Variants in TMEM132D observed in about 807,000 individuals in gnomAD.
The protein encoded by TMEM132D is transmembrane protein 132D.
In TMEM132D, 21 loss-of-function variants were observed where a neutral mutation model predicts 62.3. The ratio of observed to expected loss-of-function variants is 0.34; its 90% confidence interval spans 0.24 to 0.49. The LOEUF (loss-of-function observed/expected upper bound fraction) is 0.49, where lower values mean the gene tolerates loss of function less well. Ranked by LOEUF, TMEM132D falls within the 20% of genes least tolerant of loss-of-function variation. The pLI is 0.99. For missense variants in TMEM132D, 1,346 were observed against 1,402.8 expected, an observed-to-expected ratio of 0.96 and a Z score of 0.65; for synonymous variants, 621 against 575.6, an observed-to-expected ratio of 1.08 and a Z score of -1.13.
intron 2 of TMEM132D, among the ~76,000 whole-genome samples, chr12:129,554,580 A>T (rs1593064081): frequency 6.6e-6 from 1 of 152,126 alleles, no homozygotes; most frequent in African/African-American, 2.4e-5. Flanking sequence ...TTCTTTAGAC[A>T]ACCCTCTCTT....
At position 129,489,143 on chromosome 12, in the gene TMEM132D, C is replaced by T. The variant is rs148747872; in HGVS notation, c.1115+41916G>A. ...AATTTCTCTCATTCTTAACATTCTCCGAAAATTAAAATTATGTTGAAGGAT... is the reference window on the plus strand; with the variant it reads ...AATTTCTCTCATTCTTAACATTCTCTGAAAATTAAAATTATGTTGAAGGAT... On this transcript the variant is annotated intron_variant, in intron 3 of 8. Coordinates refer to ENST00000422113, the MANE Select transcript of TMEM132D (RefSeq NM_133448.3). Among the ~76,000 whole-genome samples, 444 of 152,284 alleles carry T rather than the reference C, an allele frequency of 2.9e-3. 1 individual carries two copies. Among genetic ancestry groups the T allele is most frequent in the African/African-American group, 0.01 (422 of 41,562 alleles).
At position 129,676,456 on chromosome 12, in the gene TMEM132D, G is replaced by T. The variant is rs77155785; in HGVS notation, c.968+23354C>A. Among the ~76,000 whole-genome samples the T allele has an allele frequency of 7.4e-3, 1,133 of 152,294 alleles. 60 individuals carry two copies. In the East Asian group the frequency reaches 0.11, roughly 15 times the overall value. On this transcript the variant is annotated intron_variant, in intron 2 of 8. Coordinates refer to ENST00000422113, the MANE Select transcript of TMEM132D (RefSeq NM_133448.3). ...ACTGGGTAGTTTATAAAGACGATAG[G>T]TTTATTTGGCTCACGGTTCTGCAGG... is the stretch of plus-strand genomic sequence containing the variant.
chr12:129,239,120 C>G (rs886248113), intron 4 of TMEM132D, among the ~76,000 whole-genome samples: 1 of 150,038 alleles, frequency 6.7e-6, no homozygotes, highest in Admixed American at 6.7e-5. Flanking sequence ...CTTGTTATTA[C>G]CCATTTGCAC....
chr12:129,356,595 G>A (rs907295656), intron 3 of TMEM132D, among the ~76,000 whole-genome samples: 4 of 150,958 alleles, frequency 2.6e-5, no homozygotes, highest in African/African-American at 4.9e-5. Flanking sequence ...AGGCGGGAGG[G>A]CTGCTTGACC....
At chr12:129,146,341 C>A (rs549439019) in intron 5 of TMEM132D, among the ~76,000 whole-genome samples, 1 of 152,150 alleles carries the variant, frequency 6.6e-6, no homozygotes, top group Non-Finnish European at 1.5e-5. Flanking sequence ...AGCCTTTCTG[C>A]AATTTTCCTG....
At chr12:129,404,460 G>T (rs1470649646) in intron 3 of TMEM132D, among the ~76,000 whole-genome samples, 3 of 152,208 alleles carry the variant, frequency 2.0e-5, no homozygotes, top group African/African-American at 4.8e-5. Context: ...GCCTCCCAAA[G>T]TGCTGGGATT....
At chr12:129,565,752 G>A (rs1406232205) in intron 2 of TMEM132D, among the ~76,000 whole-genome samples, 1 of 152,188 alleles carries the variant, frequency 6.6e-6, no homozygotes, top group Non-Finnish European at 1.5e-5. Context: ...TTCTTGGAGA[G>A]GAATCTTATT....
intron 3 of TMEM132D, among the ~76,000 whole-genome samples, chr12:129,343,192 A>G (rs1869555170): frequency 6.6e-6 from 1 of 152,232 alleles, no homozygotes; most frequent in African/African-American, 2.4e-5. Context: ...TCCAACAATG[A>G]TAGACTGGAT....
intron 5 of TMEM132D, among the ~76,000 whole-genome samples, chr12:129,152,389 T>C (rs1307801192): frequency 2.6e-5 from 4 of 152,150 alleles, no homozygotes; most frequent in Non-Finnish European, 5.9e-5. Flanking sequence ...TTGTAATCAG[T>C]GTCAGGGGAG....
intron 2 of TMEM132D, among the ~76,000 whole-genome samples, chr12:129,653,910 G>C (rs1879996929): frequency 6.6e-6 from 1 of 152,196 alleles, no homozygotes; most frequent in East Asian, 1.9e-4. Flanking sequence ...TTCTTTTTCT[G>C]TCCCAGAATC....
intron 3 of TMEM132D, among the ~76,000 whole-genome samples, chr12:129,393,255 G>A (rs1871337737): frequency 6.6e-6 from 1 of 152,222 alleles, no homozygotes; most frequent in African/African-American, 2.4e-5. Context: ...TGCTTGTGAA[G>A]GTTTGCAATA....
intron 2 of TMEM132D, among the ~76,000 whole-genome samples, chr12:129,650,078 G>A (rs945151041): frequency 6.6e-6 from 1 of 152,082 alleles, no homozygotes; most frequent in African/African-American, 2.4e-5. Flanking sequence ...ACACCTCTCT[G>A]CCCGCTCTAA....
chr12:129,779,192 G>GC lies in TMEM132D; in HGVS notation c.80-78495dup, dbSNP rs1324875974. 6.6e-6 allele frequency among the ~76,000 whole-genome samples: 1 copy of GC among 152,206 alleles called. No individual in the cohort carries two copies. The highest frequency in any genetic ancestry group is 1.5e-5 in the Non-Finnish European group (1 of 68,040). The stretch of plus-strand genomic sequence containing the variant: ...GCCTTAGGAAGGATCCATCTGGAAA[G>GC]CCCCATTTGATGCTTTAACATGCAG... On this transcript the variant is annotated intron_variant, in intron 1 of 8. Transcript: ENST00000422113. This position sits in a 1 kb window ranked among gnomAD's most constrained non-coding sequence, Gnocchi z 4.1.
rs577659673 is a variant in TMEM132D, at chr12:129,576,915, G to A, written c.969-45710C>T. On this transcript the variant is annotated intron_variant, in intron 2 of 8. Coordinates refer to ENST00000422113, the MANE Select transcript of TMEM132D (RefSeq NM_133448.3). ...TTTGCAGTATTTATCGATACTGTAC[G>A]TTTGTGTCGTTTGTTTACAAGATGA... Among the ~76,000 whole-genome samples the A allele has an allele frequency of 1.5e-4, 23 of 152,004 alleles. No individual in the cohort carries two copies. The South Asian group carries it at 3.7e-3, about 25-fold the overall frequency.
At position 129,854,876 on chromosome 12, in the gene TMEM132D, A is replaced by T. The variant is rs373849626; in HGVS notation, c.79+48385T>A. ...CCCTCCCTCCTGACTGTGCTGCCTT[A>T]CTGAAACAGCCTCGGTCTACCAGAT... is the stretch of plus-strand genomic sequence containing the variant. On this transcript the variant is annotated intron_variant, in intron 1 of 8. Coordinates refer to ENST00000422113, the MANE Select transcript of TMEM132D (RefSeq NM_133448.3). 1.1e-4 allele frequency: 16 copies of T among 152,376 alleles called. No homozygotes were observed. The East Asian group carries it at 1.7e-3, about 17-fold the overall frequency. 9.4% of individuals were successfully genotyped at this position (152,376 alleles called of 1,614,324 possible).
At chr12:129,438,939 T>C (rs144422454) in intron 3 of TMEM132D, among the ~76,000 whole-genome samples, 25 of 152,206 alleles carry the variant, frequency 1.6e-4, no homozygotes, top group African/African-American at 5.1e-4. Context: ...TGGAATCTGC[T>C]TTGAAGGTTT....
chr12:129,531,933 G>T (rs1020702662), intron 2 of TMEM132D, among the ~76,000 whole-genome samples: 1 of 152,152 alleles, frequency 6.6e-6, no homozygotes, highest in Non-Finnish European at 1.5e-5. Context: ...GTGTGCCCCT[G>T]TAGTCCTAGC....
At chr12:129,250,900 A>G (rs1325962441) in intron 4 of TMEM132D, among the ~76,000 whole-genome samples, 1 of 152,216 alleles carries the variant, frequency 6.6e-6, no homozygotes, top group East Asian at 1.9e-4. Flanking sequence ...TGTTTTAAAT[A>G]GAGGCAGTTT....
At chr12:129,727,062 A>G (rs1222700560) in intron 1 of TMEM132D, among the ~76,000 whole-genome samples, 1 of 152,266 alleles carries the variant, frequency 6.6e-6, no homozygotes, top group Non-Finnish European at 1.5e-5. Context: ...TCTAAAGCAT[A>G]GTTAGGACAG....
Sources: allele counts gnomAD v4.1 joint callset (sites outside exome capture counted in the v4.1 genomes callset), GRCh38; gene constraint gnomAD v4.1.1; non-coding constraint Gnocchi (gnomAD v3.1); transcripts MANE v1.5; gene names NCBI Gene and HGNC (gene_info 2026-07-23, HGNC 2026-07-21).